The following SUMF1 variants were observed in gnomAD, a reference collection of about 807,000 sequenced individuals.
SUMF1 encodes formylglycine-generating enzyme.
SUMF1 carries 48 observed loss-of-function variants against 47.6 expected under a neutral mutation model. The observed-to-expected ratio is 1.01, with a 90% CI of 0.80 to 1.28. The LOEUF (loss-of-function observed/expected upper bound fraction) is 1.28, where lower values mean the gene tolerates loss of function less well. Among genes scored for constraint, SUMF1 ranks in the 50% most tolerant of loss-of-function variants. The pLI is 0.00. For synonymous variants in SUMF1, 230 were observed against 192.1 expected (o/e 1.20, Z -1.63); for missense variants, 571 against 485.4 (o/e 1.18, Z -1.66).
At chr3:4,222,460 G>A (rs1696087024) in intron 8 of SUMF1, among the ~76,000 whole-genome samples, 2 of 151,970 alleles carry the variant, frequency 1.3e-5, no homozygotes, top group African/African-American at 2.4e-5. Context: ...TTTTATCATG[G>A]TCAATAAATA....
chr3:4,283,420 A>G (rs1409050813), intron 8 of SUMF1, among the ~76,000 whole-genome samples: 3 of 152,170 alleles, frequency 2.0e-5, no homozygotes, highest in Non-Finnish European at 4.4e-5. Context: ...ACGTTCTCCA[A>G]CCCATGTGAA....
At chr3:4,179,909 A>G (rs1248898505) in intron 8 of SUMF1, among the ~76,000 whole-genome samples, 1 of 152,238 alleles carries the variant, frequency 6.6e-6, no homozygotes, top group African/African-American at 2.4e-5. Context: ...TTCTCAAAAG[A>G]AGACATCTAT....
intron 7 of SUMF1, among the ~76,000 whole-genome samples, chr3:4,395,852 C>T (rs1195802377): frequency 6.6e-6 from 1 of 152,158 alleles, no homozygotes; most frequent in East Asian, 1.9e-4. Flanking sequence ...ATTTAAAATA[C>T]CAGTCTACTT....
At chr3:4,296,864 C>T (rs1470072523) in intron 8 of SUMF1, among the ~76,000 whole-genome samples, 1 of 152,148 alleles carries the variant, frequency 6.6e-6, no homozygotes, top group Non-Finnish European at 1.5e-5. Flanking sequence ...ACCACTCTGA[C>T]TTAACCTAAA....
rs372411108 is a variant in SUMF1 at position 4,221,387 on chromosome 3, G to A, written c.1015-152642C>T. 1.3e-4 allele frequency among the ~76,000 whole-genome samples: 19 copies of A among 151,142 alleles called. No individual in the cohort carries two copies. In the South Asian group the frequency reaches 4.0e-3, roughly 32 times the overall value. Reference sequence around the variant, plus strand: ...GCAACTTTTCATGTACTTAAAAGCAGCAAATGCTTTGGGTTTGGTTTTTTG... The same window carrying A: ...GCAACTTTTCATGTACTTAAAAGCAACAAATGCTTTGGGTTTGGTTTTTTG... On this transcript the variant is annotated intron_variant and NMD_transcript_variant, in intron 8 of 12. Transcript: ENST00000448413.
At chr3:4,391,292 G>C (rs1292015646) in intron 7 of SUMF1, among the ~76,000 whole-genome samples, 1 of 152,050 alleles carries the variant, frequency 6.6e-6, no homozygotes. Flanking sequence ...GAGGTTCACT[G>C]AGCTTCTTGG....
chr3:4,293,408 G>A (rs1697779313), intron 8 of SUMF1, among the ~76,000 whole-genome samples: 2 of 152,020 alleles, frequency 1.3e-5, no homozygotes, highest in South Asian at 4.2e-4. Flanking sequence ...GAGTGGCACA[G>A]GCATAGAGCA....
At chr3:4,352,541 G>C (rs1217239174) in intron 8 of SUMF1, among the ~76,000 whole-genome samples, 2 of 152,100 alleles carry the variant, frequency 1.3e-5, no homozygotes, top group African/African-American at 4.8e-5. Flanking sequence ...GGACATGGCA[G>C]GGTCCCACCA....
At chr3:4,279,245 T>C (rs1190519282) in intron 8 of SUMF1, among the ~76,000 whole-genome samples, 1 of 152,152 alleles carries the variant, frequency 6.6e-6, no homozygotes, top group Non-Finnish European at 1.5e-5. Flanking sequence ...AAATAGTTCA[T>C]TAAAAGTCAG....
At chr3:4,389,680 G>C (rs1700791206) in intron 7 of SUMF1, among the ~76,000 whole-genome samples, 1 of 152,120 alleles carries the variant, frequency 6.6e-6, no homozygotes, top group Non-Finnish European at 1.5e-5. Flanking sequence ...TGCTCAGACT[G>C]GGTAATTTCT....
chr3:4,058,410 G>C (rs1462458145), intron 9 of SUMF1, among the ~76,000 whole-genome samples: 1 of 152,074 alleles, frequency 6.6e-6, no homozygotes, highest in African/African-American at 2.4e-5. Context: ...GACATGATAA[G>C]GAATGAGGAG....
intron 3 of SUMF1, among the ~76,000 whole-genome samples, chr3:4,428,950 T>C (rs1412834883): frequency 6.6e-6 from 1 of 152,256 alleles, no homozygotes; most frequent in Non-Finnish European, 1.5e-5. Context: ...ATGTTTTATC[T>C]GAACTTCATA....
At chr3:4,268,655 C>T (rs1279875721) in intron 8 of SUMF1, among the ~76,000 whole-genome samples, 1 of 151,386 alleles carries the variant, frequency 6.6e-6, no homozygotes, top group Non-Finnish European at 1.5e-5. Flanking sequence ...ATTACTTCCC[C>T]TGTTTACATA....
At chr3:4,281,913 CA>C (rs1319084593) in intron 8 of SUMF1, among the ~76,000 whole-genome samples, 3 of 151,754 alleles carry the variant, frequency 2.0e-5, no homozygotes, top group Non-Finnish European at 2.9e-5. Context: ...AAAAAAACAA[CA>C]AAAAAGATTT....
chr3:4,130,052 G>A (rs1182156782), intron 8 of SUMF1, among the ~76,000 whole-genome samples: 1 of 152,116 alleles, frequency 6.6e-6, no homozygotes, highest in Non-Finnish European at 1.5e-5. Context: ...ATCGCATCCT[G>A]GAAGGACTGC....
At chr3:4,175,271 C>T (rs940419643) in intron 8 of SUMF1, among the ~76,000 whole-genome samples, 4 of 152,160 alleles carry the variant, frequency 2.6e-5, no homozygotes, top group Admixed American at 6.5e-5. Context: ...CTGGGAGACA[C>T]CTCCCAGTTG....
chr3:4,394,483 AAGTACAT>A (rs1700977992), intron 7 of SUMF1, among the ~76,000 whole-genome samples: 1 of 152,166 alleles, frequency 6.6e-6, no homozygotes, highest in African/African-American at 2.4e-5. Context: ...CTAGGGAAAA[AAGTACAT>A]AGTATTTGGG....
rs140599499 is a variant in SUMF1, at chr3:4,247,701, G to C, written c.1014+128629C>G. Among the ~76,000 whole-genome samples, 41 of 152,226 alleles carry C rather than the reference G, an allele frequency of 2.7e-4. 1 individual carries two copies. The highest frequency in any genetic ancestry group is 9.6e-4 in the African/African-American group (40 of 41,554). ...GCACAAATTTCAATATAGACAGAGG[G>C]AGTCAGTTGAGAACCCAAGGAAGAA... On this transcript the variant is annotated intron_variant and NMD_transcript_variant, in intron 8 of 12. Transcript: ENST00000448413.
At position 4,191,968 on chromosome 3, in the gene SUMF1, G is replaced by A. The variant is rs532436167; in HGVS notation, c.1015-123223C>T. ...AAGAGTGTTATTTTAACTGACATCA[G>A]AGAAGGCTTCAGAGAGGAGGTGATG... On this transcript the variant is annotated intron_variant and NMD_transcript_variant, in intron 8 of 12. Coordinates refer to the SUMF1 transcript ENST00000448413. 2.8e-4 allele frequency among the ~76,000 whole-genome samples: 43 copies of A among 152,116 alleles called. 1 individual carries two copies. Among genetic ancestry groups the A allele is most frequent in the Non-Finnish European group, 5.4e-4 (37 of 67,984 alleles).
Sources: allele counts gnomAD v4.1 joint callset (sites outside exome capture counted in the v4.1 genomes callset), GRCh38; gene constraint gnomAD v4.1.1; transcripts MANE v1.5; gene names NCBI Gene and HGNC (gene_info 2026-07-23, HGNC 2026-07-21).